BTBD9: variants seen among roughly 807,000 people sequenced by gnomAD.
BTBD9 encodes the protein BTB/POZ domain-containing protein 9.
A neutral mutation model predicts 64.3 loss-of-function variants in BTBD9; 49 were observed. That is an observed-to-expected ratio of 0.76 (90% CI 0.61 to 0.97). The LOEUF (loss-of-function observed/expected upper bound fraction) is 0.97. Ranked by LOEUF, BTBD9 falls within the 50% of genes least tolerant of loss-of-function variation. The probability of loss-of-function intolerance (pLI) is 0.00; values close to 1 mark genes in which losing one functional copy is unlikely to be tolerated. For missense variants in BTBD9, 598 were observed against 762.1 expected, an observed-to-expected ratio of 0.78 and a Z score of 2.53; for synonymous variants, 260 against 274.7, an observed-to-expected ratio of 0.95 and a Z score of 0.53.
rs1231059019 is a variant in BTBD9 at position 38,458,936 on chromosome 6, G to A, written c.1155-113843C>T. On this transcript the variant is annotated intron_variant, in intron 6 of 10. Coordinates refer to ENST00000481247, the MANE Select transcript of BTBD9 (RefSeq NM_001099272.2). ...ATACTTTAATTATATGACATCAAAT[G>A]TTCTATTAAAGGTATTATTTCAAAG... Among the ~76,000 whole-genome samples, 4 of 152,108 alleles carry A rather than the reference G, an allele frequency of 2.6e-5. No homozygotes were observed. The East Asian group carries it at 7.7e-4, about 29-fold the overall frequency.
intron 6 of BTBD9, among the ~76,000 whole-genome samples, chr6:38,351,789 G>A (rs550966621): frequency 2.0e-5 from 3 of 152,062 alleles, no homozygotes; most frequent in East Asian, 1.9e-4. Context: ...ATGAGCCACC[G>A]CCCCAGCCGT....
At chr6:38,562,879 A>G (rs552711517) in intron 6 of BTBD9, among the ~76,000 whole-genome samples, 31 of 152,166 alleles carry the variant, frequency 2.0e-4, no homozygotes, top group Non-Finnish European at 3.8e-4. Context: ...ATTTTATTAT[A>G]AAGTATACAT....
chr6:38,590,054 C>T (rs1776726349), intron 4 of BTBD9, among the ~76,000 whole-genome samples: 1 of 152,162 alleles, frequency 6.6e-6, no homozygotes, highest in African/African-American at 2.4e-5. Context: ...TTAGACATTT[C>T]TCCCTGCATT....
At chr6:38,547,001 C>A (rs766308940) in intron 6 of BTBD9, among the ~76,000 whole-genome samples, 28 of 152,074 alleles carry the variant, frequency 1.8e-4, no homozygotes, top group African/African-American at 5.1e-4. Flanking sequence ...TTTGATGTTA[C>A]CATTGTAATT....
chr6:38,580,484 T>C, intron 4 of BTBD9, 47 bp from the exon 5 acceptor site: 2 of 1,498,422 alleles, frequency 1.3e-6, no homozygotes, highest in South Asian at 2.4e-5. Flanking sequence ...ACTTATTTAT[T>C]CTGTATTTTT....
chr6:38,452,029 A>G (rs1420348359), intron 6 of BTBD9, among the ~76,000 whole-genome samples: 1 of 152,082 alleles, frequency 6.6e-6, no homozygotes, highest in East Asian at 1.9e-4. Context: ...TTTTAATTGG[A>G]ACTATTCTAC....
At chr6:38,374,667 C>A (rs952104319) in intron 6 of BTBD9, among the ~76,000 whole-genome samples, 1 of 151,768 alleles carries the variant, frequency 6.6e-6, no homozygotes, top group Non-Finnish European at 1.5e-5. Context: ...CAGACATTAC[C>A]CACCTCCCCC....
chr6:38,384,678 A>T (rs980695485), intron 6 of BTBD9, among the ~76,000 whole-genome samples: 39 of 152,214 alleles, frequency 2.6e-4, no homozygotes, highest in Non-Finnish European at 4.4e-4. Context: ...GTAATATGTG[A>T]TAACTCCTAA....
rs1776773430 is a variant in BTBD9, at chr6:38,591,139, T to C, written c.814+1437A>G. Among the ~76,000 whole-genome samples the C allele has an allele frequency of 2.0e-5, 3 of 152,294 alleles. No homozygotes were observed. In the South Asian group the frequency reaches 6.2e-4, roughly 32 times the overall value. On this transcript the variant is annotated intron_variant, in intron 4 of 10. Coordinates refer to ENST00000481247, the MANE Select transcript of BTBD9 (RefSeq NM_001099272.2). Reference sequence around the variant, plus strand: ...TCCCTCTCTCAAATTGGTTCCTCACTGCATGTAAGGGAGATTCCAATCTAG... The same window carrying C: ...TCCCTCTCTCAAATTGGTTCCTCACCGCATGTAAGGGAGATTCCAATCTAG...
intron 6 of BTBD9, among the ~76,000 whole-genome samples, chr6:38,562,802 A>G (rs1470178239): frequency 6.6e-6 from 1 of 152,220 alleles, no homozygotes; most frequent in Non-Finnish European, 1.5e-5. Flanking sequence ...ATGCTTACAT[A>G]CCTATTTTCT....
At chr6:38,523,101 T>C (rs573562561) in intron 6 of BTBD9, among the ~76,000 whole-genome samples, 8 of 152,186 alleles carry the variant, frequency 5.3e-5, no homozygotes, top group Non-Finnish European at 1.0e-4. Flanking sequence ...GAGAATCACC[T>C]GAACCCAGAA....
intron 6 of BTBD9, among the ~76,000 whole-genome samples, chr6:38,380,832 G>A (rs779909118): frequency 1.1e-4 from 16 of 152,070 alleles, no homozygotes; most frequent in South Asian, 2.1e-4. Context: ...GCAACAGAGC[G>A]AGACCCTGTC....
intron 8 of BTBD9, among the ~76,000 whole-genome samples, chr6:38,267,158 T>A (rs1464797208): frequency 1.3e-5 from 2 of 152,268 alleles, no homozygotes; most frequent in African/African-American, 4.8e-5. Context: ...CAGGTCCAGC[T>A]GGCTTTTAGC....
intron 6 of BTBD9, among the ~76,000 whole-genome samples, chr6:38,499,029 G>C (rs1358519667): frequency 6.6e-6 from 1 of 152,074 alleles, no homozygotes; most frequent in Admixed American, 6.6e-5. Flanking sequence ...CAGCAACTGC[G>C]AGAGGTTCAT....
intron 9 of BTBD9, among the ~76,000 whole-genome samples, chr6:38,254,067 T>C (rs1764492295): frequency 6.7e-6 from 1 of 150,052 alleles, no homozygotes; most frequent in Non-Finnish European, 1.5e-5. Context: ...ATGCTACCCC[T>C]AGAGCAAGGC....
rs79416631 is a variant in BTBD9 at position 38,458,571 on chromosome 6, A to G, written c.1155-113478T>C. Reference sequence around the variant, plus strand: ...GCTTTATTGGAAGGAAAAATGTAACATCATAACTCAGCAAAAACTAGAATA... The same window carrying G: ...GCTTTATTGGAAGGAAAAATGTAACGTCATAACTCAGCAAAAACTAGAATA... On this transcript the variant is annotated intron_variant, in intron 6 of 10. Coordinates refer to ENST00000481247, the MANE Select transcript of BTBD9 (RefSeq NM_001099272.2). Among the ~76,000 whole-genome samples the G allele has an allele frequency of 1.2e-3, 185 of 152,332 alleles. 2 individuals are homozygous for G. The South Asian group carries it at 0.018, about 15-fold the overall frequency.
At chr6:38,597,843 T>C in intron 2 of BTBD9, 67 bp downstream of exon 2, 3 of 1,346,648 alleles carry the variant, frequency 2.2e-6, no homozygotes, top group Non-Finnish European at 3.1e-6. Context: ...ATATTTTTCA[T>C]AGAGCAGAAA....
intron 6 of BTBD9, among the ~76,000 whole-genome samples, chr6:38,546,659 GTT>G (rs1774566802): frequency 6.6e-6 from 1 of 152,008 alleles, no homozygotes; most frequent in South Asian, 2.1e-4. Context: ...TTACGATACT[GTT>G]TTGTTTGTTT....
At chr6:38,504,014 C>T (rs181270619) in intron 6 of BTBD9, among the ~76,000 whole-genome samples, 7 of 152,336 alleles carry the variant, frequency 4.6e-5, no homozygotes, top group Admixed American at 4.6e-4. Context: ...GATCCCGCCA[C>T]AGTCTCACAA....
Sources: allele counts gnomAD v4.1 joint callset (sites outside exome capture counted in the v4.1 genomes callset), GRCh38; gene constraint gnomAD v4.1.1; transcripts MANE v1.5; gene names NCBI Gene and HGNC (gene_info 2026-07-23, HGNC 2026-07-21).